The following CFAP44 variants were observed in gnomAD, a reference collection of about 807,000 sequenced individuals.
CFAP44 encodes the protein cilia- and flagella-associated protein 44.
CFAP44 carries 134 observed loss-of-function variants against 216.2 expected under a neutral mutation model. That is an observed-to-expected ratio of 0.62 (90% CI 0.54 to 0.72). The LOEUF (loss-of-function observed/expected upper bound fraction) is 0.72. Among genes scored for constraint, CFAP44 ranks in the 30% least tolerant of loss-of-function variants. CFAP44 has a pLI of 0.00. For missense variants in CFAP44, 2,035 were observed against 2,182.1 expected (o/e 0.93, Z 1.34); for synonymous variants, 700 against 727.6 (o/e 0.96, Z 0.61).
intron 1 of CFAP44, chr3:113,433,960 C>T (rs1935172815): frequency 3.9e-6 from 1 of 255,512 alleles, no homozygotes; most frequent in African/African-American, 2.2e-5. Context: ...TCCCCAGATG[C>T]TTCACCATTA....
intron 33 of CFAP44, among the ~76,000 whole-genome samples, chr3:113,295,336 G>A (rs574164323): frequency 3.3e-5 from 5 of 152,186 alleles, no homozygotes; most frequent in African/African-American, 4.8e-5. Flanking sequence ...AAGTAGCTGG[G>A]ACTACTGGTG....
intron 22 of CFAP44, among the ~76,000 whole-genome samples, chr3:113,348,431 C>G (rs1299952018): frequency 6.6e-6 from 1 of 152,128 alleles, no homozygotes; most frequent in Non-Finnish European, 1.5e-5. Context: ...ACAATACTAT[C>G]CTGCAGCTTG....
intron 1 of CFAP44, chr3:113,433,876 T>C: frequency 2.6e-6 from 1 of 388,910 alleles, no homozygotes; most frequent in Non-Finnish European, 4.6e-6. Context: ...TAATCACAGA[T>C]TCTCTTTCTC....
At chr3:113,427,751 T>G (rs1211357742) in intron 2 of CFAP44, 1 of 170,744 alleles carries the variant, frequency 5.9e-6, no homozygotes, top group Non-Finnish European at 1.2e-5. Flanking sequence ...ATCCCAGGAA[T>G]AAGTTGGAAT....
intron 3 of CFAP44, 44 bp from the exon 4 acceptor site, chr3:113,426,321 G>A (rs1307957469): frequency 6.3e-7 from 1 of 1,594,280 alleles, no homozygotes; most frequent in Non-Finnish European, 8.5e-7. Flanking sequence ...TGGTTTGGCT[G>A]TGTCCCCACC....
At chr3:113,431,452 C>T (rs779905944) in intron 2 of CFAP44, among the ~76,000 whole-genome samples, 3 of 151,980 alleles carry the variant, frequency 2.0e-5, no homozygotes, top group Non-Finnish European at 4.4e-5. Context: ...GAAAACACTG[C>T]CGAGGACTGG....
intron 22 of CFAP44, among the ~76,000 whole-genome samples, chr3:113,348,006 C>T (rs933641364): frequency 3.3e-5 from 5 of 152,182 alleles, no homozygotes; most frequent in African/African-American, 1.2e-4. Flanking sequence ...CTAAATCCAA[C>T]CTTCCTCTGT....
Position 113,305,598 on chromosome 3 carries a change from A to G in CFAP44, c.4759-446T>C, listed in dbSNP as rs559890260. 2.0e-5 allele frequency among the ~76,000 whole-genome samples: 3 copies of G among 152,340 alleles called. No individual in the cohort carries two copies. In the South Asian group the frequency reaches 6.2e-4, roughly 32 times the overall value. On this transcript the variant is annotated intron_variant, in intron 30 of 34. Transcript: ENST00000393845. ...CATTCTCCATGTCCTAGAAAACCTG[A>G]AAGTTTTCCAAATCATTTCCTGTTT...
chr3:113,439,784 T>C (rs1935319565), intron 1 of CFAP44, among the ~76,000 whole-genome samples: 1 of 152,206 alleles, frequency 6.6e-6, no homozygotes, highest in Non-Finnish European at 1.5e-5. Flanking sequence ...GACATTACTC[T>C]GATTCATTCA....
At chr3:113,321,755 T>C (rs1238145332) in intron 28 of CFAP44, among the ~76,000 whole-genome samples, 1 of 151,984 alleles carries the variant, frequency 6.6e-6, no homozygotes, top group Non-Finnish European at 1.5e-5. Context: ...AAGAATATAA[T>C]CCCACTTACA....
At chr3:113,427,140 G>A in intron 3 of CFAP44, 47 bp downstream of exon 3, 1 of 1,576,580 alleles carries the variant, frequency 6.3e-7, no homozygotes, top group Admixed American at 1.9e-5. Flanking sequence ...TCTGGGCTTT[G>A]TCTCTAAAAC....
At chr3:113,361,292 G>C in intron 21 of CFAP44, 3 of 220,228 alleles carry the variant, frequency 1.4e-5, no homozygotes, top group Non-Finnish European at 3.0e-5. Context: ...TTCAGAGGGT[G>C]AATATTCAGC....
intron 15 of CFAP44, among the ~76,000 whole-genome samples, chr3:113,387,521 C>T (rs1189182854): frequency 3.3e-5 from 5 of 152,048 alleles, no homozygotes; most frequent in Non-Finnish European, 2.9e-5. Context: ...GCGCTTGGGC[C>T]CCGAATAATC....
At chr3:113,318,357 T>C (rs1035420766) in intron 28 of CFAP44, among the ~76,000 whole-genome samples, 2 of 152,208 alleles carry the variant, frequency 1.3e-5, no homozygotes, top group Non-Finnish European at 2.9e-5. Context: ...CGAGGAATGC[T>C]TCTTTGAATC....
At chr3:113,429,619 T>C (rs1576608956) in intron 2 of CFAP44, among the ~76,000 whole-genome samples, 2 of 152,162 alleles carry the variant, frequency 1.3e-5, no homozygotes, top group South Asian at 2.1e-4. Flanking sequence ...TAATAATTAA[T>C]GTAATTATTG....
intron 15 of CFAP44, among the ~76,000 whole-genome samples, chr3:113,393,670 C>G (rs1449406045): frequency 6.6e-6 from 1 of 151,970 alleles, no homozygotes; most frequent in Non-Finnish European, 1.5e-5. Context: ...CATGCACCAC[C>G]ATACCTGGCT....
chr3:113,364,365 G>GT (rs1385522136), intron 19 of CFAP44, among the ~76,000 whole-genome samples: 4 of 152,004 alleles, frequency 2.6e-5, no homozygotes, highest in African/African-American at 9.7e-5. Context: ...TGATAAAGTT[G>GT]TTTTATTAGT....
intron 28 of CFAP44, 37 bp downstream of exon 28, chr3:113,326,385 ACCTCTCTATTTCATGTTAATGAG>A: frequency 1.4e-6 from 2 of 1,391,840 alleles, no homozygotes. Flanking sequence ...TCCCTTAGTT[ACCTCTCTATTTCATGTTAATGAG>A]AGAAAATAAG....
chr3:113,373,404 TG>T lies in CFAP44; in HGVS notation c.2444+6del. 1 of 1,543,326 alleles carries T rather than the reference TG, an allele frequency of 6.5e-7. No individual in the cohort carries two copies. Among genetic ancestry groups the T allele is most frequent in the South Asian group, 1.3e-5 (1 of 77,954 alleles). On this transcript the variant is annotated splice_donor_region_variant and intron_variant, in intron 18 of 34. Coordinates refer to ENST00000393845, the MANE Select transcript of CFAP44 (RefSeq NM_001164496.2). ...GTTTTTTTAAAGCTTTTTGAAATAC[TG>T]CTCACTTGAAAGTGATAGTTTGGAT... is the stretch of plus-strand genomic sequence containing the variant.
Sources: allele counts gnomAD v4.1 joint callset (sites outside exome capture counted in the v4.1 genomes callset), GRCh38; gene constraint gnomAD v4.1.1; transcripts MANE v1.5; gene names NCBI Gene and HGNC (gene_info 2026-07-23, HGNC 2026-07-21).